KAZN: variants seen among roughly 807,000 people sequenced by gnomAD.
KAZN encodes kazrin.
A neutral mutation model predicts 87.4 loss-of-function variants in KAZN; 40 were observed. The observed-to-expected ratio is 0.46, with a 90% CI of 0.36 to 0.60. KAZN has a LOEUF of 0.60. KAZN is among the 20% of genes least tolerant of loss of function. The pLI is 0.00. For missense variants in KAZN, 898 were observed against 1,073.9 expected (o/e 0.84, Z 2.29); for synonymous variants, 466 against 458.3 (o/e 1.02, Z -0.22).
chr1:14,933,131 G>T (rs142553428), intron 1 of KAZN, among the ~76,000 whole-genome samples: 1 of 152,118 alleles, frequency 6.6e-6, no homozygotes, highest in African/African-American at 2.4e-5. Context: ...CGCCCTTGTT[G>T]CCCAAGCTGG....
At chr1:14,626,580 A>G (rs1244999494) in intron 1 of KAZN, among the ~76,000 whole-genome samples, 4 of 151,966 alleles carry the variant, frequency 2.6e-5, no homozygotes, top group Non-Finnish European at 5.9e-5. Flanking sequence ...CCTCTCGTCC[A>G]CTTTCTCCAA....
At chr1:14,069,826 G>T (rs1387540730) in intron 1 of KAZN, among the ~76,000 whole-genome samples, 1 of 152,092 alleles carries the variant, frequency 6.6e-6, no homozygotes, top group South Asian at 2.1e-4. Context: ...GAGAAAGCTG[G>T]GGGCCACTTG....
chr1:14,856,775 C>CAT lies in KAZN; in HGVS notation c.227-103906_227-103905dup, dbSNP rs552444131. Among the ~76,000 whole-genome samples, 22 of 152,268 alleles carry CAT rather than the reference C, an allele frequency of 1.4e-4. No individual in the cohort carries two copies. The highest frequency in any genetic ancestry group is 5.3e-4 in the African/African-American group (22 of 41,566). Reference sequence around the variant, plus strand: ...TCCATTCTTCCAGGATAAAGATGAGCATATGTTTGTTGCCGGGCTGTTGCA... The same window carrying CAT: ...TCCATTCTTCCAGGATAAAGATGAGCATATATGTTTGTTGCCGGGCTGTTGCA... On this transcript the variant is annotated intron_variant, in intron 1 of 14. Transcript: ENST00000376030. The surrounding 1 kb of genome is among the most constrained non-coding windows in gnomAD (Gnocchi z 5.2).
intron 1 of KAZN, among the ~76,000 whole-genome samples, chr1:14,601,787 A>G (rs1457799481): frequency 6.6e-6 from 1 of 152,146 alleles, no homozygotes; most frequent in Non-Finnish European, 1.5e-5. Context: ...AGTGCTATTG[A>G]GTTATCAGTT....
intron 1 of KAZN, among the ~76,000 whole-genome samples, chr1:14,819,458 A>G (rs997662400): frequency 8.5e-5 from 13 of 152,074 alleles, no homozygotes; most frequent in Non-Finnish European, 1.8e-4. Context: ...CGTTGTTCTT[A>G]TGGGTGGGCC....
At chr1:14,925,165 G>A (rs1659036169) in intron 1 of KAZN, among the ~76,000 whole-genome samples, 1 of 152,232 alleles carries the variant, frequency 6.6e-6, no homozygotes, top group South Asian at 2.1e-4. Flanking sequence ...GGAGAACAGC[G>A]TTTTACTGTT....
chr1:15,006,255 A>G (rs1668987224), intron 2 of KAZN, among the ~76,000 whole-genome samples: 1 of 152,204 alleles, frequency 6.6e-6, no homozygotes, highest in Non-Finnish European at 1.5e-5. Flanking sequence ...GAGGTAGATG[A>G]CCCAGGCCTC....
At chr1:15,103,337 T>A in intron 11 of KAZN, 22 bp from the exon 12 acceptor site, 1 of 1,540,662 alleles carries the variant, frequency 6.5e-7, no homozygotes, top group Non-Finnish European at 8.8e-7. Context: ...TCCCTCCGAA[T>A]GACCCACTGT....
At chr1:13,924,821 G>A (rs182085046) in intron 1 of KAZN, among the ~76,000 whole-genome samples, 95 of 152,274 alleles carry the variant, frequency 6.2e-4, no homozygotes, top group Admixed American at 1.1e-3. Flanking sequence ...ACCACCTTGG[G>A]CACATGTCGT....
intron 1 of KAZN, among the ~76,000 whole-genome samples, chr1:14,954,557 C>T (rs993456655): frequency 1.4e-4 from 22 of 152,230 alleles, no homozygotes; most frequent in African/African-American, 4.6e-4. Flanking sequence ...GTCATGGCAG[C>T]GGTCTGGATC....
At chr1:14,986,687 G>A (rs114042027) in intron 2 of KAZN, among the ~76,000 whole-genome samples, 1 of 152,068 alleles carries the variant, frequency 6.6e-6, no homozygotes, top group Non-Finnish European at 1.5e-5. Flanking sequence ...ACCTTAATTT[G>A]AGGTCACTTC....
chr1:14,838,395 G>A (rs1000558362), intron 1 of KAZN, among the ~76,000 whole-genome samples: 1 of 152,164 alleles, frequency 6.6e-6, no homozygotes, highest in Admixed American at 6.5e-5. Context: ...TTATGGCTAG[G>A]AGTGAAATTG....
In KAZN at chr1:14,949,348, C is replaced by T. The variant is rs1259457561; in HGVS notation, c.227-11336C>T. Reference sequence around the variant, plus strand: ...GGGCTGGAGGAGGCAGCTGGCCAGGCCCTGAGCAGAGGCCAGCACTTCCCC... The same window carrying T: ...GGGCTGGAGGAGGCAGCTGGCCAGGTCCTGAGCAGAGGCCAGCACTTCCCC... On this transcript the variant is annotated intron_variant, in intron 1 of 14. Transcript: ENST00000376030. The surrounding 1 kb of genome is among the most constrained non-coding windows in gnomAD (Gnocchi z 4.3). Among the ~76,000 whole-genome samples, 2 of 152,088 alleles carry T rather than the reference C, an allele frequency of 1.3e-5. No homozygotes were observed. The highest frequency in any genetic ancestry group is 2.9e-5 in the Non-Finnish European group (2 of 68,034).
intron 8 of KAZN, among the ~76,000 whole-genome samples, chr1:15,075,818 G>A (rs1038298973): frequency 2.5e-4 from 38 of 152,194 alleles, no homozygotes; most frequent in Non-Finnish European, 4.9e-4. Flanking sequence ...TGCTCTCCTA[G>A]GTCCTAGATA....
chr1:14,090,789 C>G (rs148118678), intron 1 of KAZN, among the ~76,000 whole-genome samples: 2 of 152,214 alleles, frequency 1.3e-5, no homozygotes, highest in African/African-American at 4.8e-5. Flanking sequence ...GTATTTCCTC[C>G]CATGTGAACA....
intron 8 of KAZN, among the ~76,000 whole-genome samples, chr1:15,076,344 G>A (rs927419539): frequency 2.0e-5 from 3 of 152,202 alleles, no homozygotes; most frequent in Non-Finnish European, 4.4e-5. Context: ...GAATTGATCG[G>A]CCTCCTACAG....
At chr1:15,020,687 G>A (rs1232055206) in intron 2 of KAZN, among the ~76,000 whole-genome samples, 1 of 152,178 alleles carries the variant, frequency 6.6e-6, no homozygotes, top group Non-Finnish European at 1.5e-5. Flanking sequence ...AAGGGTGTCT[G>A]GGGAGTTTCT....
chr1:13,906,841 C>T (rs973608007), intron 1 of KAZN, among the ~76,000 whole-genome samples: 28 of 152,126 alleles, frequency 1.8e-4, no homozygotes, highest in African/African-American at 6.0e-4. Context: ...GGGAGAGAGA[C>T]GAATGCATTC....
chr1:14,238,379 G>A (rs1269638039), intron 2 of KAZN, among the ~76,000 whole-genome samples: 1 of 152,202 alleles, frequency 6.6e-6, no homozygotes, highest in African/African-American at 2.4e-5. Flanking sequence ...CTCTCCAGAT[G>A]GGAGTGACAG....
Sources: allele counts gnomAD v4.1 joint callset (sites outside exome capture counted in the v4.1 genomes callset), GRCh38; gene constraint gnomAD v4.1.1; non-coding constraint Gnocchi (gnomAD v3.1); transcripts MANE v1.5; gene names NCBI Gene and HGNC (gene_info 2026-07-23, HGNC 2026-07-21).